Variants in GARIN2 observed in about 807,000 individuals in gnomAD.
GARIN2 encodes golgi associated RAB2 interactor family member 2.
the GARIN2 span, chr14:67,223,781 G>T: frequency 5.1e-6 from 5 of 984,922 alleles, no homozygotes; most frequent in Non-Finnish European, 6.0e-6. Context: ...TTTTTCCCCT[G>T]ATTAGCATTT....
the GARIN2 span, among the ~76,000 whole-genome samples, chr14:67,218,087 T>C: frequency 3.3e-4 from 51 of 152,314 alleles, no homozygotes; most frequent in African/African-American, 1.2e-3. Context: ...GTTTGTGGCA[T>C]CAGTGGTGCA....
At chr14:67,207,291 G>A in the GARIN2 span, among the ~76,000 whole-genome samples, 1 of 152,062 alleles carries the variant, frequency 6.6e-6, no homozygotes, top group Non-Finnish European at 1.5e-5. Flanking sequence ...ACTTACAATC[G>A]TGTGGAAGAG....
chr14:67,190,587 A>G, the GARIN2 span, among the ~76,000 whole-genome samples: 4 of 152,176 alleles, frequency 2.6e-5, no homozygotes, highest in African/African-American at 9.7e-5. Context: ...AAAAATTCTC[A>G]AAGACTGAGA....
chr14:67,200,050 G>T, the GARIN2 span: 1 of 932,568 alleles, frequency 1.1e-6, no homozygotes, highest in Non-Finnish European at 1.6e-6. Flanking sequence ...AGGCTCTGGG[G>T]GACAGCCACC....
the GARIN2 span, chr14:67,221,672 C>A: frequency 6.6e-7 from 1 of 1,522,984 alleles, no homozygotes; most frequent in East Asian, 2.4e-5. Flanking sequence ...TCATTACTAC[C>A]CACAGAGCAT....
At chr14:67,190,227 CTT>C in the GARIN2 span, among the ~76,000 whole-genome samples, 18 of 123,476 alleles carry the variant, frequency 1.5e-4, no homozygotes, top group Admixed American at 2.4e-4. Flanking sequence ...TTGTTCTTTT[CTT>C]TTTTTTTTTT....
chr14:67,190,607 AT>A, the GARIN2 span, among the ~76,000 whole-genome samples: 2 of 152,158 alleles, frequency 1.3e-5, no homozygotes, highest in Non-Finnish European at 2.9e-5. Flanking sequence ...AATTGAGTAA[AT>A]TTTGGGGGAA....
At chr14:67,199,343 A>C in the GARIN2 span, 2 of 1,614,028 alleles carry the variant, frequency 1.2e-6, no homozygotes, top group East Asian at 4.5e-5. Context: ...TCACAACAAA[A>C]ACCTGGATGT....
the GARIN2 span, chr14:67,199,788 T>C: frequency 2.0e-5 from 30 of 1,526,004 alleles, no homozygotes; most frequent in Non-Finnish European, 2.6e-5. Context: ...CCTGGCTCCT[T>C]CCCACCCCCA....
At chr14:67,194,723 G>A in the GARIN2 span, among the ~76,000 whole-genome samples, 2 of 152,020 alleles carry the variant, frequency 1.3e-5, no homozygotes, top group Admixed American at 6.6e-5. Context: ...GGCTGGTCTC[G>A]AACTCCTGAC....
chr14:67,206,705 T>A, the GARIN2 span, among the ~76,000 whole-genome samples: 1 of 152,056 alleles, frequency 6.6e-6, no homozygotes, highest in African/African-American at 2.4e-5. Flanking sequence ...TTCTGGGCAG[T>A]GGCATCAAAC....
the GARIN2 span, among the ~76,000 whole-genome samples, chr14:67,227,914 A>T: frequency 6.6e-6 from 1 of 152,208 alleles, no homozygotes; most frequent in Non-Finnish European, 1.5e-5. Context: ...TCACGCCTAT[A>T]ATCCCAGCAC....
chr14:67,199,636 A>C, the GARIN2 span: 113 of 1,579,686 alleles, frequency 7.2e-5, no homozygotes, highest in Non-Finnish European at 9.5e-5. Flanking sequence ...TAGCAGCTGG[A>C]CGACTTCTGG....
At chr14:67,201,508 T>G in the GARIN2 span, 4 of 455,876 alleles carry the variant, frequency 8.8e-6, no homozygotes, top group Non-Finnish European at 1.3e-5. Flanking sequence ...CTCATCCTGG[T>G]GGCTCTGTCT....
the GARIN2 span, among the ~76,000 whole-genome samples, chr14:67,215,825 C>T: frequency 6.6e-6 from 1 of 152,102 alleles, no homozygotes; most frequent in African/African-American, 2.4e-5. Flanking sequence ...GTCTCAAATC[C>T]AGTGCCCCCA....
the GARIN2 span, among the ~76,000 whole-genome samples, chr14:67,223,023 G>A: frequency 5.9e-5 from 7 of 118,198 alleles, no homozygotes; most frequent in South Asian, 2.9e-4. Flanking sequence ...TTTTTGAGAT[G>A]GGGTCTCCCT....
At chr14:67,192,320 A>T in the GARIN2 span, among the ~76,000 whole-genome samples, 2 of 152,232 alleles carry the variant, frequency 1.3e-5, no homozygotes, top group African/African-American at 4.8e-5. Flanking sequence ...ATGATAGCCC[A>T]TAACAACCCT....
chr14:67,205,232 T>A, the GARIN2 span: 1 of 815,378 alleles, frequency 1.2e-6, no homozygotes, highest in Non-Finnish European at 1.8e-6. Flanking sequence ...AATAGTGAGA[T>A]TAAATCTCTG....
chr14:67,203,718 G>C, the GARIN2 span, among the ~76,000 whole-genome samples: 1 of 151,990 alleles, frequency 6.6e-6, no homozygotes, highest in Admixed American at 6.6e-5. Context: ...ACATTCTGAC[G>C]TGTTTTGTTT....
Sources: gnomAD v4.1 joint callset for allele counts (sites outside exome capture counted in the v4.1 genomes callset) on GRCh38, gnomAD v4.1.1 for gene constraint, MANE v1.5 for transcripts, NCBI Gene and HGNC (gene_info 2026-07-23, HGNC 2026-07-21) for gene names.